VPS53: variants seen among roughly 807,000 people sequenced by gnomAD.
VPS53 encodes the protein VPS53 subunit of GARP complex.
VPS53 carries 70 observed loss-of-function variants against 107.0 expected under a neutral mutation model. The observed-to-expected ratio is 0.65, with a 90% CI of 0.54 to 0.80. The LOEUF (loss-of-function observed/expected upper bound fraction) is 0.80. Among genes scored for constraint, VPS53 ranks in the 30% least tolerant of loss-of-function variants. VPS53 has a pLI of 0.00. For synonymous variants in VPS53, 409 were observed against 393.3 expected (o/e 1.04, Z -0.47); for missense variants, 917 against 1,049.4 (o/e 0.87, Z 1.74).
At chr17:653,269 T>C (rs1971032930) in intron 7 of VPS53, 22 bp downstream of exon 7, 2 of 1,612,256 alleles carry the variant, frequency 1.2e-6, no homozygotes, top group Non-Finnish European at 1.7e-6. Flanking sequence ...CCCCATATAC[T>C]TTCCCTCTGG....
rs186328597 is a variant in VPS53, at chr17:639,596, G to T, written c.609-7968C>A. Reference sequence around the variant, plus strand: ...GGTGACGTACAGATGGGGTTTTGGTGTGGATGTCCTTTCTGTTTGTTAGTT... The same window carrying T: ...GGTGACGTACAGATGGGGTTTTGGTTTGGATGTCCTTTCTGTTTGTTAGTT... On this transcript the variant is annotated intron_variant, in intron 7 of 21. Transcript: ENST00000437048. 3.5e-4 allele frequency among the ~76,000 whole-genome samples: 54 copies of T among 152,266 alleles called. No individual in the cohort carries two copies. In the South Asian group the frequency reaches 0.011, roughly 30 times the overall value.
At chr17:706,764 C>T (rs1973419530) in intron 2 of VPS53, among the ~76,000 whole-genome samples, 1 of 152,096 alleles carries the variant, frequency 6.6e-6, no homozygotes, top group Non-Finnish European at 1.5e-5. Context: ...TGACCCTCTA[C>T]TTTCATGCCC....
intron 4 of VPS53, among the ~76,000 whole-genome samples, chr17:672,813 T>C (rs1186257146): frequency 6.6e-6 from 1 of 151,926 alleles, no homozygotes; most frequent in African/African-American, 2.4e-5. Flanking sequence ...CAAAGAGCGA[T>C]GAATAAAGAA....
intron 11 of VPS53, among the ~76,000 whole-genome samples, chr17:604,345 G>A (rs1023971490): frequency 6.6e-6 from 1 of 150,830 alleles, no homozygotes; most frequent in Non-Finnish European, 1.5e-5. Context: ...AAGAAGTCGA[G>A]CCTACTCTCG....
At chr17:575,130 T>C (rs1047641411) in intron 13 of VPS53, among the ~76,000 whole-genome samples, 7 of 151,984 alleles carry the variant, frequency 4.6e-5, no homozygotes, top group African/African-American at 1.4e-4. Flanking sequence ...GGTGGGCTGA[T>C]GGGGAGACTT....
chr17:672,296 T>C (rs969885653), intron 4 of VPS53, among the ~76,000 whole-genome samples: 1 of 152,014 alleles, frequency 6.6e-6, no homozygotes, highest in Non-Finnish European at 1.5e-5. Context: ...TTGTTGAACT[T>C]CTTCAAACGA....
At chr17:618,293 G>C (rs1399688039) in intron 11 of VPS53, among the ~76,000 whole-genome samples, 1 of 91,872 alleles carries the variant, frequency 1.1e-5, no homozygotes, top group East Asian at 2.6e-4. Context: ...TGGGACTACA[G>C]GCGTGCGCCA....
chr17:660,481 C>T (rs1441337298), intron 5 of VPS53, among the ~76,000 whole-genome samples: 1 of 152,150 alleles, frequency 6.6e-6, no homozygotes, highest in South Asian at 2.1e-4. Context: ...CACTGCAAAC[C>T]CCCTCGGTTG....
chr17:663,333 G>GGAA (rs1971549048), intron 4 of VPS53, among the ~76,000 whole-genome samples: 1 of 152,236 alleles, frequency 6.6e-6, no homozygotes, highest in Non-Finnish European at 1.5e-5. Flanking sequence ...GCAACATGAG[G>GGAA]GCAGTTGTGA....
In VPS53 at chr17:623,518, T is replaced by C; in HGVS notation, c.1116+15A>G. ...CCACTGATTTCACGTGGCAGCTCCC[T>C]AGGGAAGGTCTTACCAGGGTCCCAT... is the stretch of plus-strand genomic sequence containing the variant. On this transcript the variant is annotated intron_variant, in intron 11 of 21. Coordinates refer to ENST00000437048, the MANE Select transcript of VPS53 (RefSeq NM_001128159.3). 6.2e-7 allele frequency: 1 copy of C among 1,608,178 alleles called. No individual in the cohort carries two copies. Among genetic ancestry groups the C allele is most frequent in the Non-Finnish European group, 8.5e-7 (1 of 1,175,598 alleles).
At chr17:588,690 A>G (rs1967464512) in intron 12 of VPS53, among the ~76,000 whole-genome samples, 1 of 152,186 alleles carries the variant, frequency 6.6e-6, no homozygotes, top group African/African-American at 2.4e-5. Context: ...TTTTACTCTT[A>G]TCATCTGGAA....
chr17:667,444 G>C (rs909311612), intron 4 of VPS53, among the ~76,000 whole-genome samples: 1 of 148,706 alleles, frequency 6.7e-6, no homozygotes, highest in Non-Finnish European at 1.5e-5. Context: ...AATTTATTTG[G>C]GGGGGCAATG....
chr17:645,494 G>A (rs143791432), intron 7 of VPS53, among the ~76,000 whole-genome samples: 5 of 152,268 alleles, frequency 3.3e-5, no homozygotes, highest in African/African-American at 1.2e-4. Context: ...TCATGCACAA[G>A]TTTTAAAATT....
chr17:707,609 G>A (rs1973463384), intron 2 of VPS53, among the ~76,000 whole-genome samples: 1 of 151,862 alleles, frequency 6.6e-6, no homozygotes, highest in Non-Finnish European at 1.5e-5. Context: ...AACATTTTGG[G>A]AGGCTGAGGC....
At chr17:662,799 A>AAGAAAGAAAAAAAGAG (rs1971507424) in intron 4 of VPS53, among the ~76,000 whole-genome samples, 1 of 140,764 alleles carries the variant, frequency 7.1e-6, no homozygotes, top group South Asian at 2.4e-4. Context: ...AAGAAAGAGA[A>AAGAAAGAAAAAAAGAG]AGAAAGAAAA....
chr17:593,992 A>C (rs1011484402), intron 12 of VPS53, among the ~76,000 whole-genome samples: 5 of 152,384 alleles, frequency 3.3e-5, no homozygotes, highest in Non-Finnish European at 5.9e-5. Flanking sequence ...AAAAATGATG[A>C]GTTCGCGTCC....
intron 19 of VPS53, among the ~76,000 whole-genome samples, chr17:531,183 C>A (rs147453172): frequency 0.02 from 2,981 of 152,294 alleles, 36 homozygotes; most frequent in Non-Finnish European, 0.032. Context: ...CAAGTACAGG[C>A]CCAGCCAAAC....
chr17:695,253 G>T (rs1262936010), intron 4 of VPS53, among the ~76,000 whole-genome samples: 1 of 152,198 alleles, frequency 6.6e-6, no homozygotes, highest in Non-Finnish European at 1.5e-5. Flanking sequence ...GGGCCCAGAT[G>T]AGTTTCAAAT....
At chr17:569,081 G>T (rs959341784) in intron 13 of VPS53, among the ~76,000 whole-genome samples, 2 of 152,200 alleles carry the variant, frequency 1.3e-5, no homozygotes, top group South Asian at 4.1e-4. Context: ...GACGACTCCA[G>T]GGCTGGGATA....
Sources: gnomAD v4.1 joint callset for allele counts (sites outside exome capture counted in the v4.1 genomes callset) on GRCh38, gnomAD v4.1.1 for gene constraint, MANE v1.5 for transcripts, NCBI Gene and HGNC (gene_info 2026-07-23, HGNC 2026-07-21) for gene names.